The following FSIP2 variants were observed in gnomAD, a reference collection of about 807,000 sequenced individuals.
The protein encoded by FSIP2 is fibrous sheath-interacting protein 2.
FSIP2 carries 367 observed loss-of-function variants against 510.5 expected under a neutral mutation model. The ratio of observed to expected loss-of-function variants is 0.72; its 90% confidence interval spans 0.66 to 0.78. The LOEUF is 0.78. Among genes scored for constraint, FSIP2 ranks in the 30% least tolerant of loss-of-function variants. The pLI is 0.00. For synonymous variants in FSIP2, 2,601 were observed against 2,732.2 expected (o/e 0.95, Z 1.50); for missense variants, 7,594 against 7,901.7 (o/e 0.96, Z 1.48).
chr2:185,755,389 A>C (rs1452701380), intron 8 of FSIP2, among the ~76,000 whole-genome samples: 1 of 151,616 alleles, frequency 6.6e-6, no homozygotes, highest in African/African-American at 2.4e-5. Flanking sequence ...TAACTATAAA[A>C]ATTCCTACAT....
Position 185,794,996 on chromosome 2 carries a change from T to C in FSIP2, c.7860T>C (p.Leu2620=). 6.5e-7 allele frequency: 1 copy of C among 1,534,054 alleles called. No individual in the cohort carries two copies. Among genetic ancestry groups the C allele is most frequent in the Non-Finnish European group, 8.7e-7 (1 of 1,145,816 alleles). Residue 2620 remains leucine (L), a synonymous_variant, in exon 16 of 23, where the codon CTT becomes CTC. Transcript: ENST00000424728. ...ATATCTCTGTGATGGAAAACACTCT[T>C]TTGCCATATTTACCATTGCAAGTGA... ...SQNISVMENT[L]LPYLPLQVKK...
At position 185,792,134 on chromosome 2, in the gene FSIP2, G is replaced by A. The variant is rs1422144151; in HGVS notation, c.4998G>A (p.Lys1666=). The change falls in exon 16 of 23, where the codon AAG becomes AAA. Residue 1666 remains lysine (K), a synonymous_variant. Coordinates refer to ENST00000424728, the MANE Select transcript of FSIP2 (RefSeq NM_173651.4). ...TAAATGTGACCTCATCAGATTTGAA[G>A]ACAAGTGTAGAAAACCCACCACCTG... ...TELNVTSSDL[K]TSVENPPPET... 1 of 1,533,672 alleles carries A rather than the reference G, an allele frequency of 6.5e-7. No homozygotes were observed. The highest frequency in any genetic ancestry group is 2.0e-5 in the Admixed American group (1 of 50,814).
Position 185,801,462 on chromosome 2 carries a change from T to C in FSIP2, c.12156T>C (p.Tyr4052=). The change falls in exon 17 of 23, where the codon TAT becomes TAC. Residue 4052 remains tyrosine, a synonymous_variant. Transcript: ENST00000424728. ...TVSKIVDSVY[Y]DVLQQYELKV... ...GCAAAATTGTTGACTCAGTTTATTA[T>C]GATGTTTTACAGCAGTATGAATTAA... 1 of 1,533,978 alleles carries C rather than the reference T, an allele frequency of 6.5e-7. No homozygotes were observed. The highest frequency in any genetic ancestry group is 1.2e-5 in the South Asian group (1 of 83,966).
intron 19 of FSIP2, among the ~76,000 whole-genome samples, chr2:185,817,050 A>G (rs1330030043): frequency 1.3e-5 from 2 of 151,944 alleles, no homozygotes; most frequent in African/African-American, 4.8e-5. Context: ...AGAAAGGGAA[A>G]AAACACATTC....
In FSIP2 at chr2:185,743,313, C is replaced by CT; in HGVS notation, c.387+26dup. ...TAATAAAGTGGGTTGAAAATTACTT[C>CT]TTTTTTTAATCAATGAAACCCTTTA... is the stretch of plus-strand genomic sequence containing the variant. On this transcript the variant is annotated intron_variant, in intron 3 of 22. Coordinates refer to ENST00000424728, the MANE Select transcript of FSIP2 (RefSeq NM_173651.4). 3.4e-6 allele frequency: 5 copies of CT among 1,452,070 alleles called. No individual in the cohort carries two copies. Among genetic ancestry groups the CT allele is most frequent in the South Asian group, 2.8e-5 (2 of 72,660 alleles). The allele number at this position is 1,452,070 out of a possible 1,614,324, so 89.9% of individuals were successfully genotyped here. A position where few individuals can be genotyped will look rare whatever the true frequency, so the allele number is the denominator to read the frequency against.
At position 185,797,368 on chromosome 2, in the gene FSIP2, A is replaced by G. The variant is rs1461119947; in HGVS notation, c.10232A>G (p.Gln3411Arg). The change falls in exon 16 of 23, where the codon CAA becomes CGA. Residue 3411 changes from glutamine (Q) to arginine (R), a missense_variant. Gln to Arg is a conservative substitution (Grantham distance 43). Coordinates refer to ENST00000424728, the MANE Select transcript of FSIP2 (RefSeq NM_173651.4). ...AGCCGGGAAGATTCTTCTTTTTTGC[A>G]AAAATTGAAAAAAAAGGAGTACCCA... ...EASREDSSFL[Q>R]KLKKKEYPKI... 30 of 1,526,794 alleles carry G rather than the reference A, an allele frequency of 2.0e-5. No individual in the cohort carries two copies. Among genetic ancestry groups the G allele is most frequent in the Non-Finnish European group, 2.5e-5 (29 of 1,144,310 alleles). 94.6% of individuals were successfully genotyped at this position (1,526,794 alleles called of 1,614,324 possible).
intron 2 of FSIP2, among the ~76,000 whole-genome samples, chr2:185,739,737 A>AT (rs1691884179): frequency 6.6e-6 from 1 of 152,208 alleles, no homozygotes; most frequent in South Asian, 2.1e-4. Flanking sequence ...CCTTATAATA[A>AT]AACTTCATAT....
intron 15 of FSIP2, among the ~76,000 whole-genome samples, chr2:185,787,168 T>TC (rs1693008070): frequency 6.6e-6 from 1 of 151,886 alleles, no homozygotes; most frequent in Admixed American, 6.6e-5. Flanking sequence ...CCTATAAACA[T>TC]TTAGGTATGA....
At position 185,789,862 on chromosome 2, in the gene FSIP2, T is replaced by C; in HGVS notation, c.2726T>C (p.Ile909Thr). 6.5e-7 allele frequency: 1 copy of C among 1,531,050 alleles called. No homozygotes were observed. The highest frequency in any genetic ancestry group is 8.7e-7 in the Non-Finnish European group (1 of 1,143,040). 94.8% of individuals were successfully genotyped at this position (1,531,050 alleles called of 1,614,324 possible). ...TTGGTTGCTTATATAGAGGAAGCAA[T>C]CAATGCTATACTAGGTTATATACAA... Reference protein sequence around the residue: ...SSLVAYIEEAINAILGYIQTE... With the variant: ...SSLVAYIEEATNAILGYIQTE... Residue 909 changes from isoleucine (I) to threonine (T), a missense_variant, in exon 16 of 23, where the codon ATC becomes ACC. By Grantham distance (89) the Ile-to-Thr change is moderately conservative. Transcript: ENST00000424728.
chr2:185,828,087 G>T, intron 20 of FSIP2, 69 bp from the exon 21 acceptor site: 1 of 853,132 alleles, frequency 1.2e-6, no homozygotes, highest in South Asian at 1.5e-5. Context: ...AATATGATCA[G>T]ATTTGTGTCA....
Position 185,790,330 on chromosome 2 carries a change from A to T in FSIP2, c.3194A>T (p.Asp1065Val), listed in dbSNP as rs1693090121. The T allele has an allele frequency of 2.6e-6, 4 of 1,533,712 alleles. No homozygotes were observed. The highest frequency in any genetic ancestry group is 3.5e-6 in the Non-Finnish European group (4 of 1,145,448). Reference sequence around the variant, plus strand: ...TCTAGAAGCAAAGCTGCATTTCATGATTGGGAATTAAAGACTGAGCCACCA... The same window carrying T: ...TCTAGAAGCAAAGCTGCATTTCATGTTTGGGAATTAAAGACTGAGCCACCA... The part of the protein sequence containing the change: ...PGSRSKAAFH[D>V]WELKTEPPST... The change falls in exon 16 of 23, where the codon GAT (aspartate) becomes GTT (valine). Residue 1065 changes from aspartate (D) to valine (V), a missense_variant. Asp to Val is a radical substitution (Grantham distance 152, BLOSUM62 -3). Coordinates refer to ENST00000424728, the MANE Select transcript of FSIP2 (RefSeq NM_173651.4).
In FSIP2 at chr2:185,793,652, G is replaced by A. The variant is rs1319585108; in HGVS notation, c.6516G>A (p.Thr2172=). The change falls in exon 16 of 23, where the codon ACG becomes ACA. Residue 2172 remains threonine (T), a synonymous_variant. Coordinates refer to ENST00000424728, the MANE Select transcript of FSIP2 (RefSeq NM_173651.4). ...TTCATAATCTCAGTTCTGCTGCCAC[G>A]CTTGTCATAAATGCAAAGAATCCTA... ...IVLHNLSSAA[T]LVINAKNPTS... 2.0e-5 allele frequency: 30 copies of A among 1,534,532 alleles called. No individual in the cohort carries two copies. Among genetic ancestry groups the A allele is most frequent in the East Asian group, 2.4e-5 (1 of 40,822 alleles).
At chr2:185,750,546 A>G (rs767013414) in intron 7 of FSIP2, among the ~76,000 whole-genome samples, 16 of 127,208 alleles carry the variant, frequency 1.3e-4, no homozygotes, top group Non-Finnish European at 2.6e-4. Flanking sequence ...TTTTCTTCTT[A>G]TTTCTCTTTT....
At position 185,799,964 on chromosome 2, in the gene FSIP2, T is replaced by G; in HGVS notation, c.10658T>G (p.Ile3553Ser). 6.5e-7 allele frequency: 1 copy of G among 1,528,950 alleles called. No homozygotes were observed. The highest frequency in any genetic ancestry group is 8.8e-7 in the Non-Finnish European group (1 of 1,141,786). The allele number at this position is 1,528,950 out of a possible 1,614,324, so 94.7% of individuals were successfully genotyped here. ...SQVFESRSIS[I>S]GELALCISEI... ...GTGTTTGAGAGCAGGTCAATTTCCA[T>G]TGGAGAACTTGCTTTATGTATTTCT... The change falls in exon 17 of 23, where the codon ATT (isoleucine) becomes AGT (serine). Residue 3553 changes from isoleucine (I) to serine (S), a missense_variant. Physicochemically the swap from Ile to Ser is moderately radical, Grantham distance 142. Transcript: ENST00000424728.
At position 185,801,441 on chromosome 2, in the gene FSIP2, A is replaced by C. The variant is rs1459501109; in HGVS notation, c.12135A>C (p.Lys4045Asn). ...CAGTTCATACAGAAACTGTTAGCAA[A>C]ATTGTTGACTCAGTTTATTATGATG... ...FPPVHTETVSKIVDSVYYDVL... is the reference protein window; with the variant it reads ...FPPVHTETVSNIVDSVYYDVL... Residue 4045 changes from lysine to asparagine, a missense_variant, in exon 17 of 23, where the codon AAA becomes AAC. Lys to Asn is a moderately conservative substitution (Grantham distance 94). Coordinates refer to ENST00000424728, the MANE Select transcript of FSIP2 (RefSeq NM_173651.4). The C allele has an allele frequency of 6.5e-7, 1 of 1,533,842 alleles. No homozygotes were observed. Among genetic ancestry groups the C allele is most frequent in the African/African-American group, 1.4e-5 (1 of 72,878 alleles).
chr2:185,768,231 T>A (rs941952346), intron 13 of FSIP2, among the ~76,000 whole-genome samples: 1 of 152,146 alleles, frequency 6.6e-6, no homozygotes, highest in African/African-American at 2.4e-5. Context: ...GCTTTCTCAC[T>A]TTATTGTTTT....
chr2:185,812,365 C>G (rs138227709), intron 17 of FSIP2, among the ~76,000 whole-genome samples: 1 of 152,056 alleles, frequency 6.6e-6, no homozygotes, highest in Admixed American at 6.6e-5. Context: ...CAATTTCTCC[C>G]GTTTCAAACA....
rs140846964 is a variant in FSIP2 at position 185,808,479 on chromosome 2, T to G, written c.19173T>G (p.Ala6391=). 4 of 1,607,672 alleles carry G rather than the reference T, an allele frequency of 2.5e-6. No individual in the cohort carries two copies. In the East Asian group the frequency reaches 9.0e-5, roughly 36 times the overall value. ...CTCAACTGTCAAAATTGGTAACAGCTGAAATTTCCAGAAGTAGCATTAGTC... is the reference window on the plus strand; with the variant it reads ...CTCAACTGTCAAAATTGGTAACAGCGGAAATTTCCAGAAGTAGCATTAGTC... ...IASQLSKLVT[A]EISRSSISLI... The change falls in exon 17 of 23, where the codon GCT becomes GCG. Residue 6391 remains alanine (A), a synonymous_variant. Coordinates refer to ENST00000424728, the MANE Select transcript of FSIP2 (RefSeq NM_173651.4).
At chr2:185,785,023 A>T (rs1046711366) in intron 14 of FSIP2, among the ~76,000 whole-genome samples, 2 of 152,074 alleles carry the variant, frequency 1.3e-5, no homozygotes, top group African/African-American at 2.4e-5. Flanking sequence ...TGCTGTTTGT[A>T]TGCTTTTGGA....
Sources: allele counts gnomAD v4.1 joint callset (sites outside exome capture counted in the v4.1 genomes callset), GRCh38; gene constraint gnomAD v4.1.1; transcripts MANE v1.5; gene names NCBI Gene and HGNC (gene_info 2026-07-23, HGNC 2026-07-21).